The following UTP6 variants were observed in gnomAD, a reference collection of about 807,000 sequenced individuals.
UTP6 encodes the protein UTP6 small subunit processome component.
A neutral mutation model predicts 96.5 loss-of-function variants in UTP6; 60 were observed. That is an observed-to-expected ratio of 0.62 (90% confidence interval 0.51 to 0.77). The LOEUF is 0.77. UTP6 is among the 30% of genes least tolerant of loss of function. UTP6 has a pLI of 0.00. For missense variants in UTP6, 637 were observed against 706.5 expected (o/e 0.90, Z 1.12); for synonymous variants, 215 against 240.1 (o/e 0.90, Z 0.96).
chr17:31,877,211 T>C (rs1367017926), intron 13 of UTP6, among the ~76,000 whole-genome samples: 1 of 152,064 alleles, frequency 6.6e-6, no homozygotes, highest in African/African-American at 2.4e-5. Flanking sequence ...CATTAACAAA[T>C]ATGGTCCAAA....
At chr17:31,899,116 C>T (rs1224521038) in intron 2 of UTP6, among the ~76,000 whole-genome samples, 1 of 152,092 alleles carries the variant, frequency 6.6e-6, no homozygotes, top group African/African-American at 2.4e-5. Flanking sequence ...GGGCAACATG[C>T]CGAAACCCTG....
intron 10 of UTP6, among the ~76,000 whole-genome samples, chr17:31,882,007 A>G (rs1206939450): frequency 1.3e-5 from 2 of 151,330 alleles, no homozygotes; most frequent in Non-Finnish European, 2.9e-5. Context: ...TGAGCTCTTC[A>G]TTTTCGTTTG....
chr17:31,878,188 G>T, intron 13 of UTP6, 62 bp downstream of exon 13: 1 of 1,540,408 alleles, frequency 6.5e-7, no homozygotes, highest in Non-Finnish European at 9.0e-7. Flanking sequence ...CATGACTCTG[G>T]CACAAAACAA....
At chr17:31,883,974 A>C (rs1910988739) in intron 10 of UTP6, among the ~76,000 whole-genome samples, 1 of 150,664 alleles carries the variant, frequency 6.6e-6, no homozygotes, top group African/African-American at 2.4e-5. Context: ...TGGGCCAGGA[A>C]ATTTTTTTTT....
rs1308335102 is a variant in UTP6, at chr17:31,863,590, C to T, written c.1637-74G>A. ...GTAACCTTATTAAATATCAATTCAA[C>T]TCAAGATTTCTAAGAAACTTAACTT... On this transcript the variant is annotated intron_variant, in intron 18 of 18. Transcript: ENST00000261708. The T allele has an allele frequency of 8.9e-6, 12 of 1,341,068 alleles. No individual in the cohort carries two copies. In the Admixed American group the frequency reaches 3.0e-4, roughly 34 times the overall value. The allele number at this position is 1,341,068 out of a possible 1,614,324, so 83.1% of individuals were successfully genotyped here.
rs769478212 is a variant in UTP6 at position 31,885,991 on chromosome 17, C to T, written c.692G>A (p.Ser231Asn). ...CAAAAGATACCTACCTTTAATTATG[C>T]TTACAGAATTTTTGTAGATGATCCA... The part of the protein sequence containing the change: ...LAWIIYKNSV[S>N]IIKGAEFHVS... The change falls in exon 9 of 19, where the codon AGC (serine) becomes AAC (asparagine). Residue 231 changes from serine to asparagine, a missense_variant. Physicochemically the swap from Ser to Asn is conservative, Grantham distance 46. Coordinates refer to ENST00000261708, the MANE Select transcript of UTP6 (RefSeq NM_018428.3). 2.8e-5 allele frequency: 45 copies of T among 1,612,580 alleles called. No individual in the cohort carries two copies. Among genetic ancestry groups the T allele is most frequent in the Non-Finnish European group, 3.6e-5 (43 of 1,179,588 alleles).
At position 31,892,806 on chromosome 17, in the gene UTP6, G is replaced by A; in HGVS notation, c.313-12C>T. 6.2e-7 allele frequency: 1 copy of A among 1,614,092 alleles called. No homozygotes were observed. Among genetic ancestry groups the A allele is most frequent in the Non-Finnish European group, 8.5e-7 (1 of 1,179,992 alleles). On this transcript the variant is annotated splice_polypyrimidine_tract_variant and intron_variant, in intron 4 of 18. Coordinates refer to ENST00000261708, the MANE Select transcript of UTP6 (RefSeq NM_018428.3). The stretch of plus-strand genomic sequence containing the variant: ...AGTTGAACATCGTCCTGCAAGAAAA[G>A]CAATGTAGTAAGCTGCCCAAATTTG...
At chr17:31,876,582 T>C (rs1324675341) in intron 13 of UTP6, among the ~76,000 whole-genome samples, 1 of 151,546 alleles carries the variant, frequency 6.6e-6, no homozygotes, top group African/African-American at 2.4e-5. Context: ...AGGCGGAGGT[T>C]GAGGTGAGCC....
chr17:31,894,568 G>T, intron 4 of UTP6, 77 bp downstream of exon 4: 1 of 1,013,314 alleles, frequency 9.9e-7, no homozygotes, highest in Non-Finnish European at 1.5e-6. Flanking sequence ...ATAGAAAACT[G>T]CATTTGAATC....
intron 18 of UTP6, among the ~76,000 whole-genome samples, chr17:31,864,023 T>G (rs1038177121): frequency 1.3e-5 from 2 of 151,918 alleles, no homozygotes; most frequent in Admixed American, 6.6e-5. Context: ...TTGTTTTTTG[T>G]TTTTTTTCCC....
chr17:31,889,073 A>C (rs1258705916), intron 7 of UTP6, among the ~76,000 whole-genome samples: 2 of 151,848 alleles, frequency 1.3e-5, no homozygotes, highest in Non-Finnish European at 2.9e-5. Context: ...CTGTCTCAAA[A>C]AAAAAAAGTG....
chr17:31,880,257 T>C (rs1910741406), intron 11 of UTP6: 2 of 335,122 alleles, frequency 6.0e-6, no homozygotes, highest in South Asian at 5.4e-5. Context: ...CCGTCTCTAC[T>C]AAAATACAAA....
At chr17:31,873,209 G>A in intron 16 of UTP6, 169 bp downstream of exon 16, 1 of 587,934 alleles carries the variant, frequency 1.7e-6, no homozygotes, top group South Asian at 2.1e-5. Flanking sequence ...AGCAGAGATT[G>A]TGCCACTGCA....
rs868378659 is a variant in UTP6, at chr17:31,868,183, C to T, written c.1497-71G>A. 2.7e-5 allele frequency: 39 copies of T among 1,421,814 alleles called. 1 individual carries two copies. The Middle Eastern group carries it at 5.3e-4, about 19-fold the overall frequency. 88.1% of individuals were successfully genotyped at this position (1,421,814 alleles called of 1,614,324 possible). ...CTCTTACATCTCATAACTGTAAATA[C>T]CGAGACCAGTGCCTCCACAACACAT... On this transcript the variant is annotated intron_variant, in intron 16 of 18. Transcript: ENST00000261708.
intron 16 of UTP6, among the ~76,000 whole-genome samples, chr17:31,868,577 C>T (rs1026097650): frequency 3.9e-5 from 6 of 151,938 alleles, no homozygotes; most frequent in African/African-American, 1.5e-4. Context: ...GCAATCCTCC[C>T]GCCTCAGCCT....
chr17:31,872,284 T>G (rs552764569), intron 16 of UTP6, among the ~76,000 whole-genome samples: 1 of 152,224 alleles, frequency 6.6e-6, no homozygotes, highest in South Asian at 2.1e-4. Flanking sequence ...TAAAATTATG[T>G]GTTAACAGTA....
At chr17:31,880,986 A>G (rs1910800378) in intron 10 of UTP6, among the ~76,000 whole-genome samples, 2 of 152,080 alleles carry the variant, frequency 1.3e-5, no homozygotes, top group South Asian at 2.1e-4. Context: ...GACCAGCCTG[A>G]CCAATATGGT....
chr17:31,880,677 G>T lies in UTP6; in HGVS notation c.863C>A (p.Thr288Lys). 1.2e-6 allele frequency: 2 copies of T among 1,614,138 alleles called. No individual in the cohort carries two copies. The highest frequency in any genetic ancestry group is 1.7e-6 in the Non-Finnish European group (2 of 1,180,022). The change falls in exon 11 of 19, where the codon ACA becomes AAA. Residue 288 changes from threonine (T) to lysine (K), a missense_variant. Transcript: ENST00000261708. Reference sequence around the variant, plus strand: ...TTGTTTCGTTGTAGGCTGCTCTTCTGTCTGTGACTCAATCTCTAATTCTCG... The same window carrying T: ...TTGTTTCGTTGTAGGCTGCTCTTCTTTCTGTGACTCAATCTCTAATTCTCG... ...ARRELEIESQ[T>K]EEQPTTKQAK...
intron 13 of UTP6, among the ~76,000 whole-genome samples, chr17:31,877,481 C>T (rs749617001): frequency 6.6e-6 from 1 of 152,138 alleles, no homozygotes; most frequent in South Asian, 2.1e-4. Context: ...TTTCTTCCGA[C>T]AGAAGATGAA....
Sources: allele counts gnomAD v4.1 joint callset (sites outside exome capture counted in the v4.1 genomes callset), GRCh38; gene constraint gnomAD v4.1.1; transcripts MANE v1.5; gene names NCBI Gene and HGNC (gene_info 2026-07-23, HGNC 2026-07-21).